The following NKAIN1 variants were observed in gnomAD, a reference collection of about 807,000 sequenced individuals.
NKAIN1 encodes the protein sodium/potassium transporting ATPase interacting 1.
Under a neutral mutation model 31.6 loss-of-function variants are expected in NKAIN1, and 13 were observed. That is an observed-to-expected ratio of 0.41 (90% CI 0.27 to 0.65). The LOEUF is 0.65. Ranked by LOEUF, NKAIN1 falls within the 30% of genes least tolerant of loss-of-function variation. The pLI, the probability that NKAIN1 is intolerant of heterozygous loss-of-function variation, is 0.30. For missense variants in NKAIN1, 193 were observed against 262.2 expected (o/e 0.74, Z 1.82); for synonymous variants, 104 against 109.0 (o/e 0.95, Z 0.28).
At chr1:31,194,351 T>A (rs1443570154) in intron 1 of NKAIN1, among the ~76,000 whole-genome samples, 1 of 66,100 alleles carries the variant, frequency 1.5e-5, no homozygotes, top group Non-Finnish European at 3.5e-5. Context: ...CTCTTTCTTT[T>A]TCCTTTTTCT....
chr1:31,211,601 AC>A (rs1054957567), intron 1 of NKAIN1, among the ~76,000 whole-genome samples: 10 of 77,196 alleles, frequency 1.3e-4, no homozygotes, highest in African/African-American at 3.6e-4. Context: ...AATTCCAACT[AC>A]CTTTTTTTTT....
At chr1:31,237,981 A>G (rs1645704467) in intron 1 of NKAIN1, among the ~76,000 whole-genome samples, 1 of 152,204 alleles carries the variant, frequency 6.6e-6, no homozygotes, top group South Asian at 2.1e-4. Flanking sequence ...CAAAGTAGAT[A>G]AAGAAAAACA....
Position 31,239,435 on chromosome 1 carries a change from TGG to T in NKAIN1, c.54+57_54+58del. 7.4e-7 allele frequency: 1 copy of T among 1,344,268 alleles called. No homozygotes were observed. The highest frequency in any genetic ancestry group is 9.7e-7 in the Non-Finnish European group (1 of 1,026,434). 83.3% of individuals were successfully genotyped at this position (1,344,268 alleles called of 1,614,324 possible). The stretch of plus-strand genomic sequence containing the variant: ...CACACGCAACCCCACCCGCACGCCC[TGG>T]GACCGCGCCCCGCCGCGCCCCACCC... On this transcript the variant is annotated intron_variant, in intron 1 of 6. Transcript: ENST00000373736. This position sits in a 1 kb window ranked among gnomAD's most constrained non-coding sequence, Gnocchi z 4.8.
At chr1:31,205,052 T>C (rs1457449298) in intron 1 of NKAIN1, among the ~76,000 whole-genome samples, 1 of 152,206 alleles carries the variant, frequency 6.6e-6, no homozygotes, top group African/African-American at 2.4e-5. Context: ...AATATCTACT[T>C]CCTGGATTTG....
chr1:31,228,036 G>A (rs748741867), intron 1 of NKAIN1, among the ~76,000 whole-genome samples: 55 of 152,170 alleles, frequency 3.6e-4, no homozygotes, highest in Non-Finnish European at 5.9e-4. Flanking sequence ...TGGTGGTGGC[G>A]GGCTTGTCTC....
chr1:31,191,475 C>T (rs1190209270), intron 1 of NKAIN1, among the ~76,000 whole-genome samples: 1 of 148,350 alleles, frequency 6.7e-6, no homozygotes, highest in Non-Finnish European at 1.5e-5. Context: ...TCCAGCTCTG[C>T]TGTGTGACTT....
chr1:31,182,247 C>A (rs1028351965), intron 5 of NKAIN1, among the ~76,000 whole-genome samples: 2 of 151,822 alleles, frequency 1.3e-5, no homozygotes, highest in Admixed American at 1.3e-4. Flanking sequence ...AGAAGGCTCT[C>A]AGGGGCGGGG....
At chr1:31,191,195 G>C (rs1410164703) in intron 1 of NKAIN1, among the ~76,000 whole-genome samples, 1 of 152,134 alleles carries the variant, frequency 6.6e-6, no homozygotes, top group African/African-American at 2.4e-5. Context: ...GGAGGCTGAG[G>C]GAGGAGAATT....
intron 1 of NKAIN1, among the ~76,000 whole-genome samples, chr1:31,227,268 G>A (rs577252127): frequency 1.3e-5 from 2 of 152,326 alleles, no homozygotes; most frequent in South Asian, 4.1e-4. Flanking sequence ...GAGCCTCAGA[G>A]TCCTCATCTA....
intron 1 of NKAIN1, among the ~76,000 whole-genome samples, chr1:31,200,024 C>CAT (rs1557653790): frequency 6.0e-5 from 6 of 99,346 alleles, no homozygotes; most frequent in African/African-American, 1.8e-4. Context: ...CACACACACA[C>CAT]GCACACACAC....
At position 31,239,565 on chromosome 1, in the gene NKAIN1, G is replaced by T. The variant is rs1645718338; in HGVS notation, c.-18C>A. ...TTGCCCATGGCTCCGGGGGCTGCGC[G>T]GGCCGCACGCCGCGGCGCCCTTCTT... On this transcript the variant is annotated 5_prime_UTR_variant, in exon 1 of 7. Coordinates refer to ENST00000373736, the MANE Select transcript of NKAIN1 (RefSeq NM_024522.3). The surrounding 1 kb of genome is among the most constrained non-coding windows in gnomAD (Gnocchi z 4.8). 8.1e-7 allele frequency: 1 copy of T among 1,227,720 alleles called. No individual in the cohort carries two copies. Among genetic ancestry groups the T allele is most frequent in the Non-Finnish European group, 1.0e-6 (1 of 983,954 alleles). The allele number at this position is 1,227,720 out of a possible 1,614,324, so 76.1% of individuals were successfully genotyped here.
At chr1:31,182,468 C>T (rs1403866276) in intron 5 of NKAIN1, 62 bp downstream of exon 5, 3 of 1,588,522 alleles carry the variant, frequency 1.9e-6, no homozygotes, top group Non-Finnish European at 2.6e-6. Flanking sequence ...TCACAGGCCT[C>T]TGTCCAGGGT....
intron 1 of NKAIN1, among the ~76,000 whole-genome samples, chr1:31,238,429 C>T (rs1191666614): frequency 6.6e-6 from 1 of 152,168 alleles, no homozygotes; most frequent in African/African-American, 2.4e-5. Flanking sequence ...TCCCCATGCA[C>T]CTCTGCCTAG....
At chr1:31,194,355 T>TTTTC (rs60881573) in intron 1 of NKAIN1, among the ~76,000 whole-genome samples, 111,051 of 149,354 alleles carry the variant, frequency 0.74, 41,446 homozygotes, top group Middle Eastern at 0.83. Context: ...TTCTTTTTCC[T>TTTTC]TTTTCTTTCC....
At chr1:31,238,773 C>A (rs1222908747) in intron 1 of NKAIN1, among the ~76,000 whole-genome samples, 2 of 152,108 alleles carry the variant, frequency 1.3e-5, no homozygotes, top group African/African-American at 2.4e-5. Flanking sequence ...AGCGGCCAGA[C>A]CAAAGCAGGA....
intron 1 of NKAIN1, among the ~76,000 whole-genome samples, chr1:31,220,754 C>CAAAA (rs772908877): frequency 6.8e-4 from 40 of 58,778 alleles, no homozygotes; most frequent in East Asian, 2.0e-3. Context: ...ACTCCATCTC[C>CAAAA]AAAAAAAAAA....
At chr1:31,223,084 G>T (rs1004998659) in intron 1 of NKAIN1, among the ~76,000 whole-genome samples, 33 of 152,086 alleles carry the variant, frequency 2.2e-4, no homozygotes, top group African/African-American at 7.7e-4. Context: ...GATCAGAAAT[G>T]CTCCATAAAC....
chr1:31,239,380 G>A lies in NKAIN1; in HGVS notation c.54+114C>T, dbSNP rs1441892243. On this transcript the variant is annotated intron_variant, in intron 1 of 6. Transcript: ENST00000373736. The surrounding 1 kb of genome is among the most constrained non-coding windows in gnomAD (Gnocchi z 4.8). Reference sequence around the variant, plus strand: ...CGAGACTCCAGACCACCCCCCGCCCGGGCACACGCACCAGACACACACACA... The same window carrying A: ...CGAGACTCCAGACCACCCCCCGCCCAGGCACACGCACCAGACACACACACA... 11 of 732,326 alleles carry A rather than the reference G, an allele frequency of 1.5e-5. No homozygotes were observed. The East Asian group carries it at 2.6e-4, about 17-fold the overall frequency. The allele number at this position is 732,326 out of a possible 1,614,324, so 45.4% of individuals were successfully genotyped here. A position where few individuals can be genotyped will look rare whatever the true frequency, so the allele number is the denominator to read the frequency against.
chr1:31,182,389 C>T (rs1052394007), intron 5 of NKAIN1, 141 bp downstream of exon 5: 1 of 875,532 alleles, frequency 1.1e-6, no homozygotes, highest in African/African-American at 1.7e-5. Flanking sequence ...CAGAGCCTTC[C>T]ATACCAGCCG....
Sources: allele counts gnomAD v4.1 joint callset (sites outside exome capture counted in the v4.1 genomes callset), GRCh38; gene constraint gnomAD v4.1.1; non-coding constraint Gnocchi (gnomAD v3.1); transcripts MANE v1.5; gene names NCBI Gene and HGNC (gene_info 2026-07-23, HGNC 2026-07-21).